Variants in PON3 observed in about 807,000 individuals in gnomAD.
PON3 encodes the protein paraoxonase 3.
A neutral mutation model predicts 36.3 loss-of-function variants in PON3; 37 were observed. The observed-to-expected ratio is 1.02, with a 90% CI of 0.78 to 1.34. PON3 has a LOEUF of 1.34. PON3 is among the 40% of genes most tolerant of loss of function. PON3 has a pLI of 0.00. For synonymous variants in PON3, 155 were observed against 154.8 expected, an observed-to-expected ratio of 1.00 and a Z score of -0.01; for missense variants, 415 against 426.5, an observed-to-expected ratio of 0.97 and a Z score of 0.24.
intron 4 of PON3, among the ~76,000 whole-genome samples, chr7:95,369,824 T>C (rs975290209): frequency 1.3e-5 from 2 of 151,706 alleles, no homozygotes; most frequent in African/African-American, 4.8e-5. Flanking sequence ...AAAAAAGAGG[T>C]ACATTGAGAA....
intron 5 of PON3, among the ~76,000 whole-genome samples, chr7:95,366,098 A>G (rs1364595781): frequency 6.6e-6 from 1 of 152,034 alleles, no homozygotes; most frequent in Non-Finnish European, 1.5e-5. Flanking sequence ...CTTGCCTCAC[A>G]CTGGTTTCTC....
chr7:95,363,253 G>A (rs1472463707), intron 6 of PON3, among the ~76,000 whole-genome samples: 1 of 151,876 alleles, frequency 6.6e-6, no homozygotes, highest in Non-Finnish European at 1.5e-5. Context: ...ACACTGAGAG[G>A]TGTTTTCTAC....
intron 3 of PON3, among the ~76,000 whole-genome samples, chr7:95,376,737 T>C (rs1276014716): frequency 6.6e-6 from 1 of 152,030 alleles, no homozygotes; most frequent in Non-Finnish European, 1.5e-5. Flanking sequence ...CTTTTAGTGG[T>C]ATATTTGGCA....
In PON3 at chr7:95,362,733, T is replaced by A. The variant is rs375392491; in HGVS notation, c.777+27A>T. ...ATGGGACTAAGGTAAGAAGTCAGATTGTGTGGGCCAGACAGGGTACTCTTA... is the reference window on the plus strand; with the variant it reads ...ATGGGACTAAGGTAAGAAGTCAGATAGTGTGGGCCAGACAGGGTACTCTTA... On this transcript the variant is annotated intron_variant, in intron 7 of 8. Transcript: ENST00000265627. 1.2e-5 allele frequency: 19 copies of A among 1,560,142 alleles called. No individual in the cohort carries two copies. In the African/African-American group the frequency reaches 2.2e-4, roughly 18 times the overall value.
chr7:95,368,048 C>T (rs7787187), intron 4 of PON3, among the ~76,000 whole-genome samples: 4,248 of 152,136 alleles, frequency 0.028, 114 homozygotes, highest in African/African-American at 0.068. Context: ...AATATGAATG[C>T]GAGATAAAAC....
chr7:95,364,831 A>T (rs537796389), intron 5 of PON3: 1 of 152,132 alleles, frequency 6.6e-6, no homozygotes, highest in Admixed American at 6.5e-5. Context: ...CTTCAATATC[A>T]TTGACATTTT....
intron 3 of PON3, among the ~76,000 whole-genome samples, chr7:95,384,385 A>T (rs59623337): frequency 1.3e-5 from 2 of 151,968 alleles, no homozygotes; most frequent in African/African-American, 4.8e-5. Flanking sequence ...GCTTCTGCAT[A>T]GCAAAAGAAA....
chr7:95,388,433 G>A (rs1033868311), intron 3 of PON3, among the ~76,000 whole-genome samples: 3 of 152,122 alleles, frequency 2.0e-5, no homozygotes, highest in Non-Finnish European at 4.4e-5. Flanking sequence ...AAAAAGTCAG[G>A]AAACAACAGA....
At chr7:95,386,905 T>C (rs1462054618) in intron 3 of PON3, among the ~76,000 whole-genome samples, 1 of 152,218 alleles carries the variant, frequency 6.6e-6, no homozygotes, top group African/African-American at 2.4e-5. Flanking sequence ...TCTCAATAGA[T>C]GCAGAAAAGG....
intron 1 of PON3, 61 bp downstream of exon 1, chr7:95,396,216 T>C: frequency 1.9e-6 from 3 of 1,575,330 alleles, no homozygotes; most frequent in Non-Finnish European, 2.6e-6. Flanking sequence ...AGGCAGCCCC[T>C]GACCTCACTT....
At chr7:95,368,400 T>G (rs1299436475) in intron 4 of PON3, among the ~76,000 whole-genome samples, 3 of 152,214 alleles carry the variant, frequency 2.0e-5, no homozygotes, top group Non-Finnish European at 2.9e-5. Context: ...GAAAGGTGCT[T>G]GCTCACAGAG....
In PON3 at chr7:95,394,713, C is replaced by G. The variant is rs765619871; in HGVS notation, c.76G>C (p.Glu26Gln). 8.1e-6 allele frequency: 13 copies of G among 1,614,068 alleles called. 1 individual carries two copies. The South Asian group carries it at 1.3e-4, about 16-fold the overall frequency. Residue 26 changes from glutamate (E) to glutamine (Q), a missense_variant and splice_region_variant, in exon 2 of 9, where the codon GAA becomes CAA. Glu to Gln is a conservative substitution (Grantham distance 29). Transcript: ENST00000265627. ...LVGEMFLAFR[E>Q]RVNASREVEP... The stretch of plus-strand genomic sequence containing the variant: ...ACTTCTCGAGAGGCATTCACCCTTT[C>G]TCTGTAGAAGATAAAACCCAACCCT...
intron 3 of PON3, among the ~76,000 whole-genome samples, chr7:95,374,594 C>A (rs935517279): frequency 6.6e-6 from 1 of 152,136 alleles, no homozygotes; most frequent in Admixed American, 6.6e-5. Flanking sequence ...AGAAACATCA[C>A]CTGATCTTAT....
At chr7:95,383,064 A>C (rs1192082461) in intron 3 of PON3, among the ~76,000 whole-genome samples, 1 of 152,226 alleles carries the variant, frequency 6.6e-6, no homozygotes, top group Non-Finnish European at 1.5e-5. Context: ...AAATCAATAA[A>C]TGTAATTCGG....
intron 4 of PON3, among the ~76,000 whole-genome samples, chr7:95,370,081 T>C (rs997193737): frequency 2.0e-5 from 3 of 152,130 alleles, no homozygotes; most frequent in African/African-American, 7.2e-5. Context: ...CTGGAGAGCA[T>C]ACAGGTGCCA....
In PON3 at chr7:95,391,825, T is replaced by C. The variant is rs17885576; in HGVS notation, c.146-1616A>G. Among the ~76,000 whole-genome samples the C allele has an allele frequency of 1.5e-3, 226 of 152,336 alleles. 1 individual carries two copies. The highest frequency in any genetic ancestry group is 6.8e-3 in the Middle Eastern group (2 of 294). On this transcript the variant is annotated intron_variant, in intron 2 of 8. Transcript: ENST00000265627. ...CCTGTATCTAGTAATATTTCAGCTGTTTGCATCTCAGATTTTCTGTTTTCC... is the reference window on the plus strand; with the variant it reads ...CCTGTATCTAGTAATATTTCAGCTGCTTGCATCTCAGATTTTCTGTTTTCC...
In PON3 at chr7:95,367,486, T is replaced by G. The variant is rs202133394; in HGVS notation, c.370A>C (p.Asn124His). Residue 124 changes from asparagine (N) to histidine (H), a missense_variant and splice_region_variant, in exon 5 of 9, where the codon AAT becomes CAT. Asn to His is a moderately conservative substitution (Grantham distance 68). Coordinates refer to ENST00000265627, the MANE Select transcript of PON3 (RefSeq NM_000940.3). Reference sequence around the variant, plus strand: ...TTCACAACATAAAGATACACAGTATTGTCTACATGGAAAAAAGGGATAATT... The same window carrying G: ...TTCACAACATAAAGATACACAGTATGGTCTACATGGAAAAAAGGGATAATT... Reference protein sequence around the residue: ...HGISIFIDKDNTVYLYVVNHP... With the variant: ...HGISIFIDKDHTVYLYVVNHP... The G allele has an allele frequency of 2.5e-6, 4 of 1,612,888 alleles. No individual in the cohort carries two copies. The highest frequency in any genetic ancestry group is 3.4e-6 in the Non-Finnish European group (4 of 1,179,270).
intron 3 of PON3, among the ~76,000 whole-genome samples, chr7:95,378,330 T>C (rs193241718): frequency 4.9e-4 from 75 of 152,238 alleles, no homozygotes; most frequent in Non-Finnish European, 1.5e-5. Flanking sequence ...AAAACACTCT[T>C]CAGGATATTA....
At chr7:95,365,101 T>C (rs1350804481) in intron 5 of PON3, 1 of 152,184 alleles carries the variant, frequency 6.6e-6, no homozygotes, top group Non-Finnish European at 1.5e-5. Flanking sequence ...CATCATAAAT[T>C]AGGTTAAACT....
Sources: gnomAD v4.1 joint callset for allele counts (sites outside exome capture counted in the v4.1 genomes callset) on GRCh38, gnomAD v4.1.1 for gene constraint, MANE v1.5 for transcripts, NCBI Gene and HGNC (gene_info 2026-07-23, HGNC 2026-07-21) for gene names.